Variants in ITGAV observed in about 807,000 individuals in gnomAD.
The protein encoded by ITGAV is integrin subunit alpha V, also known as integrin alpha-V.
ITGAV carries 76 observed loss-of-function variants against 143.8 expected under a neutral mutation model. That is an observed-to-expected ratio of 0.53 (90% CI 0.44 to 0.64). ITGAV has a LOEUF of 0.64. Among genes scored for constraint, ITGAV ranks in the 30% least tolerant of loss-of-function variants. ITGAV has a pLI of 0.00. For synonymous variants in ITGAV, 453 were observed against 446.7 expected, an observed-to-expected ratio of 1.01 and a Z score of -0.18; for missense variants, 1,193 against 1,274.7, an observed-to-expected ratio of 0.94 and a Z score of 0.98.
At chr2:186,630,624 T>C (rs976095246) in intron 4 of ITGAV, among the ~76,000 whole-genome samples, 173 bp from the exon 5 acceptor site, 1 of 152,080 alleles carries the variant, frequency 6.6e-6, no homozygotes, top group Non-Finnish European at 1.5e-5. Flanking sequence ...TAAATGGTGC[T>C]GATAAACATG....
At chr2:186,641,330 G>A (rs1381310287) in intron 11 of ITGAV, 56 bp from the exon 12 acceptor site, 1 of 1,357,620 alleles carries the variant, frequency 7.4e-7, no homozygotes, top group South Asian at 1.2e-5. Context: ...GAAAGAAAAT[G>A]CCTACTAAGA....
At chr2:186,617,768 C>T (rs938705165) in intron 2 of ITGAV, among the ~76,000 whole-genome samples, 1 of 152,018 alleles carries the variant, frequency 6.6e-6, no homozygotes, top group African/African-American at 2.4e-5. Context: ...GTGTGAGATA[C>T]TCTTTTTTTC....
chr2:186,638,331 T>C lies in ITGAV; in HGVS notation c.846+11T>C, dbSNP rs1240636632. 2 of 1,612,668 alleles carry C rather than the reference T, an allele frequency of 1.2e-6. No homozygotes were observed. The highest frequency in any genetic ancestry group is 1.7e-6 in the Non-Finnish European group (2 of 1,178,848). ...AGGACTTTGGGAATGGTAGGACAGT[T>C]AAAAGGTATTTTTTAAAAAATCTCT... On this transcript the variant is annotated intron_variant, in intron 9 of 29. Coordinates refer to ENST00000261023, the MANE Select transcript of ITGAV (RefSeq NM_002210.5).
intron 12 of ITGAV, among the ~76,000 whole-genome samples, chr2:186,642,125 A>G (rs1688120954): frequency 6.6e-6 from 1 of 152,232 alleles, no homozygotes; most frequent in Non-Finnish European, 1.5e-5. Context: ...CTATTCGTTT[A>G]TAATAGTACC....
chr2:186,644,613 C>A (rs985461389), intron 12 of ITGAV, among the ~76,000 whole-genome samples: 2 of 151,960 alleles, frequency 1.3e-5, no homozygotes, highest in African/African-American at 2.4e-5. Context: ...CGTGAGCCAC[C>A]GTGCCCAGCC....
intron 5 of ITGAV, among the ~76,000 whole-genome samples, chr2:186,631,345 G>A (rs1214235826): frequency 6.6e-6 from 1 of 152,112 alleles, no homozygotes; most frequent in Non-Finnish European, 1.5e-5. Context: ...TGTAATAATT[G>A]TAAGAAATCT....
intron 2 of ITGAV, among the ~76,000 whole-genome samples, chr2:186,605,095 A>G (rs918273894): frequency 6.6e-6 from 1 of 152,224 alleles, no homozygotes; most frequent in African/African-American, 2.4e-5. Flanking sequence ...TTGATCGTAT[A>G]TCAGCACTAG....
intron 2 of ITGAV, among the ~76,000 whole-genome samples, chr2:186,618,783 A>G (rs1329664385): frequency 6.6e-6 from 1 of 152,216 alleles, no homozygotes; most frequent in African/African-American, 2.4e-5. Context: ...TTAGCATGGC[A>G]TAAAAGCTCT....
rs1012946983 is a variant in ITGAV at position 186,678,781 on chromosome 2, T to G, written c.*1489T>G. 3 of 455,114 alleles carry G rather than the reference T, an allele frequency of 6.6e-6. No homozygotes were observed. Among genetic ancestry groups the G allele is most frequent in the Non-Finnish European group, 1.3e-5 (3 of 226,094 alleles). 28.2% of individuals were successfully genotyped at this position (455,114 alleles called of 1,614,324 possible). A position where few individuals can be genotyped will look rare whatever the true frequency, so the allele number is the denominator to read the frequency against. On this transcript the variant is annotated 3_prime_UTR_variant, in exon 30 of 30. Transcript: ENST00000261023. ...CATTAGAAATGGAGAGTTTAATAGC[T>G]CTTTAACTGCTGTCCTCATTAGGTA... is the stretch of plus-strand genomic sequence containing the variant.
intron 1 of ITGAV, among the ~76,000 whole-genome samples, chr2:186,595,796 A>G (rs1686735042): frequency 6.6e-6 from 1 of 152,106 alleles, no homozygotes; most frequent in African/African-American, 2.4e-5. Context: ...AAATTAAGTC[A>G]CTCAGCTTCA....
chr2:186,667,847 T>TA (rs934718012), intron 24 of ITGAV, 71 bp downstream of exon 24: 2,104 of 760,844 alleles, frequency 2.8e-3, no homozygotes, highest in Middle Eastern at 5.4e-3. Context: ...TAAGCTACTT[T>TA]AAAAAAAAAA....
chr2:186,663,570 T>C (rs1319044178), intron 18 of ITGAV, among the ~76,000 whole-genome samples, 198 bp from the exon 19 acceptor site: 2 of 152,212 alleles, frequency 1.3e-5, no homozygotes, highest in Non-Finnish European at 2.9e-5. Context: ...TTCTCTTTCT[T>C]GACTGGCTAC....
rs868234884 is a variant in ITGAV at position 186,627,795 on chromosome 2, C to G, written c.523+2208C>G. 2.7e-4 allele frequency among the ~76,000 whole-genome samples: 41 copies of G among 152,088 alleles called. 1 individual carries two copies. The highest frequency in any genetic ancestry group is 3.4e-3 in the Middle Eastern group (1 of 294). ...TTTTACAGAAAAAGTTTGCTGAACC[C>G]TAATCTAAATAATAAAACCTCAAAT... On this transcript the variant is annotated intron_variant, in intron 4 of 29. Transcript: ENST00000261023.
intron 1 of ITGAV, among the ~76,000 whole-genome samples, chr2:186,596,664 G>T (rs1559036334): frequency 6.6e-6 from 1 of 152,000 alleles, no homozygotes; most frequent in Non-Finnish European, 1.5e-5. Context: ...CTCCCAAAGT[G>T]CTAGGATTAC....
intron 2 of ITGAV, among the ~76,000 whole-genome samples, chr2:186,605,322 C>G (rs1226040604): frequency 1.3e-5 from 2 of 152,202 alleles, no homozygotes; most frequent in Admixed American, 1.3e-4. Context: ...CCACTTCACC[C>G]TTGCCTGGGC....
At position 186,638,257 on chromosome 2, in the gene ITGAV, T is replaced by A; in HGVS notation, c.803-20T>A. The A allele has an allele frequency of 6.2e-7, 1 of 1,609,110 alleles. No homozygotes were observed. The highest frequency in any genetic ancestry group is 1.1e-5 in the South Asian group (1 of 90,794). ...GTGTTGTCCTAAAAAATGAATAATT[T>A]GTTTGTTTGTTTGTTTCAGACTTTG... is the stretch of plus-strand genomic sequence containing the variant. On this transcript the variant is annotated intron_variant, in intron 8 of 29. Transcript: ENST00000261023.
chr2:186,604,537 G>C (rs576902418), intron 2 of ITGAV, among the ~76,000 whole-genome samples: 25 of 152,300 alleles, frequency 1.6e-4, no homozygotes, highest in Admixed American at 9.2e-4. Flanking sequence ...GGATCAAAAT[G>C]TATGTATATT....
chr2:186,646,768 C>A lies in ITGAV; in HGVS notation c.1242C>A (p.Asn414Lys). The change falls in exon 13 of 30, where the codon AAC becomes AAA. Residue 414 changes from asparagine to lysine, a missense_variant. Physicochemically the swap from Asn to Lys is moderately conservative, Grantham distance 94. Transcript: ENST00000261023. ...YIFNGRSTGL[N>K]AVPSQILEGQ... ...TCAATGGAAGATCAACAGGCTTGAA[C>A]GCAGTCCCATCTCAAATCCTTGAAG... 6.2e-7 allele frequency: 1 copy of A among 1,613,054 alleles called. No homozygotes were observed. Among genetic ancestry groups the A allele is most frequent in the Non-Finnish European group, 8.5e-7 (1 of 1,179,354 alleles).
chr2:186,620,958 A>G (rs1574471893), intron 2 of ITGAV, among the ~76,000 whole-genome samples: 1 of 152,154 alleles, frequency 6.6e-6, no homozygotes, highest in Non-Finnish European at 1.5e-5. Context: ...CATATAAAAA[A>G]CATGCATGTA....
Sources: gnomAD v4.1 joint callset for allele counts (sites outside exome capture counted in the v4.1 genomes callset) on GRCh38, gnomAD v4.1.1 for gene constraint, MANE v1.5 for transcripts, NCBI Gene and HGNC (gene_info 2026-07-23, HGNC 2026-07-21) for gene names.